The following ERC2 variants were observed in gnomAD, a reference collection of about 807,000 sequenced individuals.
The protein encoded by ERC2 is ELKS/RAB6-interacting/CAST family member 2.
A neutral mutation model predicts 114.8 loss-of-function variants in ERC2; 42 were observed. The ratio of observed to expected loss-of-function variants is 0.37; its 90% CI spans 0.29 to 0.47. ERC2 has a LOEUF of 0.47. ERC2 is among the 20% of genes least tolerant of loss of function. The pLI is 0.99. For missense variants in ERC2, 939 were observed against 1,150.7 expected (o/e 0.82, Z 2.66); for synonymous variants, 454 against 425.5 (o/e 1.07, Z -0.82).
chr3:56,431,918 G>C (rs1004392776), intron 2 of ERC2, among the ~76,000 whole-genome samples: 3 of 152,132 alleles, frequency 2.0e-5, no homozygotes, highest in African/African-American at 7.2e-5. Context: ...ATCACAGTAA[G>C]ACCAGAACAA....
intron 5 of ERC2, among the ~76,000 whole-genome samples, chr3:56,144,942 A>G (rs2081060561): frequency 6.6e-6 from 1 of 152,220 alleles, no homozygotes; most frequent in African/African-American, 2.4e-5. Flanking sequence ...TCGAACATAC[A>G]TGAGAACTGA....
At chr3:56,282,095 G>A (rs923232159) in intron 3 of ERC2, among the ~76,000 whole-genome samples, 5 of 152,170 alleles carry the variant, frequency 3.3e-5, no homozygotes, top group African/African-American at 1.2e-4. Flanking sequence ...AGACCAAAGA[G>A]TAAACCCAAG....
In ERC2 at chr3:55,790,140, T is replaced by C. The variant is rs965216790; in HGVS notation, c.2565-55222A>G. On this transcript the variant is annotated intron_variant, in intron 14 of 17. Transcript: ENST00000288221. Reference sequence around the variant, plus strand: ...TATTCCCTGCAGGATAAAGTCCAACTTCTTTGTAGCTTTTGGGGCTTTGGG... The same window carrying C: ...TATTCCCTGCAGGATAAAGTCCAACCTCTTTGTAGCTTTTGGGGCTTTGGG... 5.3e-5 allele frequency among the ~76,000 whole-genome samples: 8 copies of C among 152,288 alleles called. No individual in the cohort carries two copies. The South Asian group carries it at 6.2e-4, about 12-fold the overall frequency.
At chr3:56,345,936 GA>G (rs748423753) in intron 2 of ERC2, among the ~76,000 whole-genome samples, 2 of 152,198 alleles carry the variant, frequency 1.3e-5, no homozygotes, top group South Asian at 4.1e-4. Context: ...AAGGGGAGAA[GA>G]AAGTAATCTA....
chr3:55,905,444 G>A (rs537035001), intron 13 of ERC2, among the ~76,000 whole-genome samples: 22 of 151,672 alleles, frequency 1.5e-4, no homozygotes, highest in East Asian at 7.8e-4. Context: ...GGTGGTGGTC[G>A]TGTGTGTGTG....
At chr3:56,227,388 A>T (rs984123048) in intron 3 of ERC2, among the ~76,000 whole-genome samples, 5 of 151,424 alleles carry the variant, frequency 3.3e-5, no homozygotes, top group Admixed American at 3.3e-4. Context: ...AACAGCTTTC[A>T]GTTCGGCTAA....
chr3:55,978,369 C>T (rs1305803268), intron 12 of ERC2, among the ~76,000 whole-genome samples: 1 of 152,124 alleles, frequency 6.6e-6, no homozygotes, highest in East Asian at 1.9e-4. Context: ...ATTCATATCC[C>T]TGGGGTCAAG....
At chr3:55,985,924 T>C (rs899683603) in intron 12 of ERC2, 53 bp downstream of exon 12, 1 of 1,495,676 alleles carries the variant, frequency 6.7e-7, no homozygotes, top group African/African-American at 1.4e-5. Context: ...GTGCAAGCCA[T>C]AAATTGAGCT....
chr3:56,249,501 T>C (rs1419887892), intron 3 of ERC2, among the ~76,000 whole-genome samples: 1 of 152,006 alleles, frequency 6.6e-6, no homozygotes, highest in African/African-American at 2.4e-5. Flanking sequence ...AATTTTTTTG[T>C]ATTTTTAGTA....
At chr3:55,563,767 A>T (rs1400839881) in intron 17 of ERC2, among the ~76,000 whole-genome samples, 1 of 152,062 alleles carries the variant, frequency 6.6e-6, no homozygotes, top group African/African-American at 2.4e-5. Context: ...AGAGATGGAA[A>T]GATAGAGAGA....
chr3:55,854,020 A>G (rs959948246), intron 14 of ERC2, among the ~76,000 whole-genome samples: 1 of 152,204 alleles, frequency 6.6e-6, no homozygotes, highest in African/African-American at 2.4e-5. Flanking sequence ...CACACCTGTA[A>G]TCCCAGCACT....
At chr3:55,784,060 G>A (rs1399508498) in intron 14 of ERC2, among the ~76,000 whole-genome samples, 1 of 152,218 alleles carries the variant, frequency 6.6e-6, no homozygotes, top group Admixed American at 6.5e-5. Flanking sequence ...TGTTATAGTA[G>A]ATGAAATTAT....
At chr3:55,692,834 GATCATTTTACTGT>G (rs2062733587) in intron 16 of ERC2, among the ~76,000 whole-genome samples, 1 of 152,152 alleles carries the variant, frequency 6.6e-6, no homozygotes, top group African/African-American at 2.4e-5. Flanking sequence ...AGGTCACTGG[GATCATTTTACTGT>G]ATCTTAAAAT....
intron 10 of ERC2, among the ~76,000 whole-genome samples, chr3:56,003,586 G>A (rs1301187876): frequency 6.6e-6 from 1 of 152,050 alleles, no homozygotes; most frequent in Non-Finnish European, 1.5e-5. Context: ...ACACAAGCCT[G>A]AATTTTCTAT....
At chr3:56,095,442 A>C (rs2078011095) in intron 6 of ERC2, among the ~76,000 whole-genome samples, 1 of 152,202 alleles carries the variant, frequency 6.6e-6, no homozygotes, top group Non-Finnish European at 1.5e-5. Flanking sequence ...ATTTTTGTAA[A>C]GGCAAAATGT....
intron 7 of ERC2, among the ~76,000 whole-genome samples, chr3:56,040,424 A>C (rs1356246251): frequency 6.6e-6 from 1 of 150,966 alleles, no homozygotes; most frequent in Non-Finnish European, 1.5e-5. Flanking sequence ...GCATGAGCAT[A>C]GATAGCTCAG....
intron 2 of ERC2, among the ~76,000 whole-genome samples, chr3:56,305,311 T>C (rs550133723): frequency 7.6e-4 from 116 of 152,146 alleles, no homozygotes; most frequent in African/African-American, 2.7e-3. Context: ...AGAATATATA[T>C]AGAATTCCTA....
intron 7 of ERC2, among the ~76,000 whole-genome samples, chr3:56,046,078 A>G (rs902413500): frequency 6.6e-6 from 1 of 152,132 alleles, no homozygotes; most frequent in Admixed American, 6.6e-5. Flanking sequence ...CACATGTTAA[A>G]CAAGTGCTAC....
intron 8 of ERC2, among the ~76,000 whole-genome samples, chr3:56,011,606 A>AACAC (rs3076645): frequency 2.3e-3 from 349 of 148,704 alleles, no homozygotes; most frequent in African/African-American, 7.3e-3. Flanking sequence ...AAGAAACTTA[A>AACAC]ACACACACAC....
Sources: allele counts gnomAD v4.1 joint callset (sites outside exome capture counted in the v4.1 genomes callset), GRCh38; gene constraint gnomAD v4.1.1; transcripts MANE v1.5; gene names NCBI Gene and HGNC (gene_info 2026-07-23, HGNC 2026-07-21).